The following DNAJC14 variants were observed in gnomAD, a reference collection of about 807,000 sequenced individuals.
DNAJC14 encodes dnaJ homolog subfamily C member 14.
In DNAJC14, 12 loss-of-function variants were observed where a neutral mutation model predicts 68.8. The observed-to-expected ratio is 0.17, with a 90% CI of 0.11 to 0.28. The LOEUF is 0.28. Among genes scored for constraint, DNAJC14 ranks in the 10% least tolerant of loss-of-function variants. The pLI is 1.00. For missense variants in DNAJC14, 764 were observed against 875.6 expected (o/e 0.87, Z 1.61); for synonymous variants, 350 against 321.5 (o/e 1.09, Z -0.95).
At chr12:55,829,798 T>A (rs1414900875), upstream of DNAJC14, 1 of 174,188 alleles carries the variant, frequency 5.7e-6, no homozygotes, top group African/African-American at 2.4e-5. Flanking sequence ...GGAATGGGAT[T>A]CCCGCAGGTT....
upstream of DNAJC14, chr12:55,829,730 G>T (rs1198565509): frequency 2.7e-5 from 13 of 490,048 alleles, no homozygotes; most frequent in Non-Finnish European, 3.4e-5. Context: ...CGACTCCAAG[G>T]AGGCGGTCCT....
Position 55,823,147 on chromosome 12 carries a change from C to T in DNAJC14, c.1557G>A (p.Glu519=). ...AENELSRSVN[E]FLSKLQDDLK... ...GGTCATCTTGCAGCTTGGACAGAAA[C>T]TCATTTACTGACCGGCTCAGCTCAT... The change falls in exon 4 of 7, where the codon GAG becomes GAA. Residue 519 remains glutamate (E), a synonymous_variant. Coordinates refer to ENST00000678005, the MANE Select transcript of DNAJC14 (RefSeq NM_032364.6). 1 of 1,614,194 alleles carries T rather than the reference C, an allele frequency of 6.2e-7. No individual in the cohort carries two copies. The highest frequency in any genetic ancestry group is 1.1e-5 in the South Asian group (1 of 91,088).
chr12:55,827,004 A>G (rs1038598583), intron 2 of DNAJC14, among the ~76,000 whole-genome samples: 1 of 151,770 alleles, frequency 6.6e-6, no homozygotes, highest in African/African-American at 2.4e-5. Context: ...CATGACCAAC[A>G]TGGTGAAACC....
intron 2 of DNAJC14, among the ~76,000 whole-genome samples, chr12:55,826,693 G>A (rs1447230214): frequency 6.6e-6 from 1 of 151,764 alleles, no homozygotes; most frequent in Non-Finnish European, 1.5e-5. Flanking sequence ...CCAGCTACTC[G>A]GGAGGCTGAG....
Position 55,828,590 on chromosome 12 carries a change from C to T in DNAJC14, c.69G>A (p.Arg23=), listed in dbSNP as rs1880872034. The part of the protein sequence containing the change: ...GAHHSGGASL[R]TLGPSVDPEI... The stretch of plus-strand genomic sequence containing the variant: ...CAGGGTCCACGGAGGGTCCTAAAGT[C>T]CTGAGGGAGGCACCACCACTGTGGT... The change falls in exon 2 of 7, where the codon AGG becomes AGA. Residue 23 remains arginine (R), a synonymous_variant. Transcript: ENST00000678005. 4.3e-6 allele frequency: 7 copies of T among 1,613,952 alleles called. No homozygotes were observed. Among genetic ancestry groups the T allele is most frequent in the African/African-American group, 1.3e-5 (1 of 74,868 alleles).
intron 2 of DNAJC14, among the ~76,000 whole-genome samples, chr12:55,826,232 T>C (rs1170123900): frequency 1.3e-5 from 2 of 150,156 alleles, no homozygotes; most frequent in African/African-American, 4.9e-5. Context: ...ACAAACAAAA[T>C]GGAGGGAAGA....
In DNAJC14 at chr12:55,823,417, C is replaced by T. The variant is rs763613382; in HGVS notation, c.1499G>A (p.Arg500Gln). 1.9e-6 allele frequency: 3 copies of T among 1,614,168 alleles called. No homozygotes were observed. Among genetic ancestry groups the T allele is most frequent in the South Asian group, 1.1e-5 (1 of 91,090 alleles). Reference protein sequence around the residue: ...AWDIVSNAEKRKEYEMKRMAE... With the variant: ...AWDIVSNAEKQKEYEMKRMAE... ...TCCAACTTACATCTCATACTCCTTT[C>T]GCTTTTCAGCATTGCTGACAATGTC... Residue 500 changes from arginine (R) to glutamine (Q), a missense_variant, in exon 3 of 7, where the codon CGA (arginine) becomes CAA (glutamine). Physicochemically the swap from Arg to Gln is conservative, Grantham distance 43. Around this residue, in one of 4 missense-constraint regions of DNAJC14, gnomAD observed 110 missense variants for 162.7 expected, o/e 0.68. Coordinates refer to ENST00000678005, the MANE Select transcript of DNAJC14 (RefSeq NM_032364.6).
intron 2 of DNAJC14, among the ~76,000 whole-genome samples, chr12:55,825,130 CAAA>C (rs71074860): frequency 1.2e-4 from 8 of 65,480 alleles, no homozygotes; most frequent in African/African-American, 1.2e-4. Context: ...GACCCTGTCT[CAAA>C]AAAAAAAAAA....
chr12:55,829,691 G>T, upstream of DNAJC14: 3 of 837,358 alleles, frequency 3.6e-6, no homozygotes, highest in Non-Finnish European at 2.9e-6. Flanking sequence ...GGTTGGCTGA[G>T]AGGCAAGCCA....
At chr12:55,822,795 A>G in intron 4 of DNAJC14, 63 bp from the exon 5 acceptor site, 1 of 1,577,522 alleles carries the variant, frequency 6.3e-7, no homozygotes, top group Non-Finnish European at 8.6e-7. Context: ...CACTGCTAGT[A>G]GTCTTACCAT....
At chr12:55,826,780 T>TA (rs1185844518) in intron 2 of DNAJC14, among the ~76,000 whole-genome samples, 13 of 145,282 alleles carry the variant, frequency 8.9e-5, no homozygotes, top group East Asian at 2.1e-4. Flanking sequence ...GCCTGGGCGA[T>TA]AGAGCGTGAC....
In DNAJC14 at chr12:55,827,749, C is replaced by G. The variant is rs755254602; in HGVS notation, c.910G>C (p.Val304Leu). Residue 304 changes from valine (V) to leucine (L), a missense_variant, in exon 2 of 7, where the codon GTC becomes CTC. Transcript: ENST00000678005. ...CCCTGGCTTAGAAACTGAAACATGA[C>G]CTGGGCCCAGCCCCCTAACCGCCCT... ...WTGRLGGWAQ[V>L]MFQFLSQGFY... 55 of 1,613,968 alleles carry G rather than the reference C, an allele frequency of 3.4e-5. No individual in the cohort carries two copies. Among genetic ancestry groups the G allele is most frequent in the Non-Finnish European group, 4.4e-5 (52 of 1,179,990 alleles).
intron 1 of DNAJC14, among the ~76,000 whole-genome samples, 176 bp from the exon 2 acceptor site, chr12:55,828,890 C>T (rs772616106): frequency 2.0e-5 from 3 of 152,230 alleles, no homozygotes; most frequent in Non-Finnish European, 4.4e-5. Flanking sequence ...CCTGCTTGCT[C>T]CCTCCCCTCT....
chr12:55,829,481 G>A lies in DNAJC14; in HGVS notation c.-57+8C>T, dbSNP rs1174291720. The A allele has an allele frequency of 1.0e-6, 1 of 983,312 alleles. No homozygotes were observed. The highest frequency in any genetic ancestry group is 1.2e-6 in the Non-Finnish European group (1 of 829,554). 60.9% of individuals were successfully genotyped at this position (983,312 alleles called of 1,614,324 possible). On this transcript the variant is annotated splice_region_variant and intron_variant, in intron 1 of 6. Transcript: ENST00000678005. The stretch of plus-strand genomic sequence containing the variant: ...AAAAAACGAAAAAAAAAAAAAAGAC[G>A]GACGTACCGAAGAACGGCGGTAACT...
Position 55,828,423 on chromosome 12 carries a change from C to G in DNAJC14, c.236G>C (p.Gly79Ala). 1 of 1,614,068 alleles carries G rather than the reference C, an allele frequency of 6.2e-7. No homozygotes were observed. The highest frequency in any genetic ancestry group is 8.5e-7 in the Non-Finnish European group (1 of 1,179,954). The change falls in exon 2 of 7, where the codon GGG (glycine) becomes GCG (alanine). Residue 79 changes from glycine to alanine, a missense_variant. Coordinates refer to ENST00000678005, the MANE Select transcript of DNAJC14 (RefSeq NM_032364.6). ...TGCATCTCTAGGTGGTCCTGGACCC[C>G]CTGGGGGGCCATGGCTTGGGTCCAA... ...HWLDPSHGPPGGPGPPRDAED... is the reference protein window; with the variant it reads ...HWLDPSHGPPAGPGPPRDAED...
At position 55,822,173 on chromosome 12, in the gene DNAJC14, G is replaced by T. The variant is rs1251013955; in HGVS notation, c.1913C>A (p.Ala638Asp). The T allele has an allele frequency of 4.4e-6, 7 of 1,597,118 alleles. No individual in the cohort carries two copies. Among genetic ancestry groups the T allele is most frequent in the Non-Finnish European group, 6.0e-6 (7 of 1,171,768 alleles). Residue 638 changes from alanine to aspartate, a missense_variant, in exon 7 of 7, where the codon GCC becomes GAC. Coordinates refer to ENST00000678005, the MANE Select transcript of DNAJC14 (RefSeq NM_032364.6). ...GAAATCCTGAAGATCAGCAGGAGGG[G>T]CATCTGGGGTGGCTCTGAGGTAAAA... ...TRGRQRATPD[A>D]PPADLQDFLS... is the part of the protein sequence containing the mutation.
chr12:55,826,018 C>T (rs1880785671), intron 2 of DNAJC14, among the ~76,000 whole-genome samples: 1 of 152,016 alleles, frequency 6.6e-6, no homozygotes, highest in African/African-American at 2.4e-5. Flanking sequence ...CATACTAGGT[C>T]CATATTTGCT....
In DNAJC14 at chr12:55,823,134, G is replaced by A. The variant is rs1343238038; in HGVS notation, c.1570C>T (p.Leu524=). The A allele has an allele frequency of 1.2e-6, 2 of 1,614,162 alleles. No individual in the cohort carries two copies. Among genetic ancestry groups the A allele is most frequent in the Middle Eastern group, 1.6e-4 (1 of 6,062 alleles). The part of the protein sequence containing the change: ...SRSVNEFLSK[L]QDDLKEAMNT... ...ATTGCCTCCTTGAGGTCATCTTGCA[G>A]CTTGGACAGAAACTCATTTACTGAC... is the stretch of plus-strand genomic sequence containing the variant. The change falls in exon 4 of 7, where the codon CTG becomes TTG. Residue 524 remains leucine (L), a synonymous_variant. Coordinates refer to ENST00000678005, the MANE Select transcript of DNAJC14 (RefSeq NM_032364.6).
rs779809830 is a variant in DNAJC14, at chr12:55,827,423, C to T, written c.1236G>A (p.Gly412=). 1.9e-6 allele frequency: 3 copies of T among 1,611,828 alleles called. No individual in the cohort carries two copies. The South Asian group carries it at 3.3e-5, about 18-fold the overall frequency. ...AGCGCCCACTAGCTACAGGTGCATTCCCCTGCCTATTAATATTCTGCTTGA... is the reference window on the plus strand; with the variant it reads ...AGCGCCCACTAGCTACAGGTGCATTTCCCTGCCTATTAATATTCTGCTTGA... The part of the protein sequence containing the change: ...PWVKQNINRQ[G]NAPVASGRYC... Residue 412 remains glycine (G), a synonymous_variant, in exon 2 of 7, where the codon GGG becomes GGA. Coordinates refer to ENST00000678005, the MANE Select transcript of DNAJC14 (RefSeq NM_032364.6).
Sources: gnomAD v4.1 joint callset for allele counts (sites outside exome capture counted in the v4.1 genomes callset) on GRCh38, gnomAD v4.1.1 for gene constraint, gnomAD v4.1.1 regional missense constraint, MANE v1.5 for transcripts, NCBI Gene and HGNC (gene_info 2026-07-23, HGNC 2026-07-21) for gene names.